The following PDE5A variants were observed in gnomAD, a reference collection of about 807,000 sequenced individuals.
The protein encoded by PDE5A is cGMP-specific 3',5'-cyclic phosphodiesterase.
In PDE5A, 67 loss-of-function variants were observed where a neutral mutation model predicts 110.2. The ratio of observed to expected loss-of-function variants is 0.61; its 90% confidence interval spans 0.50 to 0.75. The LOEUF is 0.75. Ranked by LOEUF, PDE5A falls within the 30% of genes least tolerant of loss-of-function variation. The pLI, the probability that PDE5A is intolerant of heterozygous loss-of-function variation, is 0.00. For synonymous variants in PDE5A, 328 were observed against 351.2 expected (o/e 0.93, Z 0.74); for missense variants, 862 against 1,045.1 (o/e 0.82, Z 2.42).
At chr4:119,505,468 A>G (rs1185259048) in intron 17 of PDE5A, among the ~76,000 whole-genome samples, 2 of 151,862 alleles carry the variant, frequency 1.3e-5, no homozygotes, top group Non-Finnish European at 2.9e-5. Flanking sequence ...TCACTGCTCT[A>G]CCTTTTCAGA....
At chr4:119,502,965 CAG>C (rs1329201745) in intron 18 of PDE5A, among the ~76,000 whole-genome samples, 1 of 152,038 alleles carries the variant, frequency 6.6e-6, no homozygotes, top group Non-Finnish European at 1.5e-5. Context: ...GGGTTTGATT[CAG>C]GGGAGAGAAA....
At chr4:119,579,473 A>T (rs1728507660) in intron 3 of PDE5A, among the ~76,000 whole-genome samples, 1 of 152,150 alleles carries the variant, frequency 6.6e-6, no homozygotes, top group Non-Finnish European at 1.5e-5. Context: ...GATTAAGAAA[A>T]TGTGGCACAT....
intron 18 of PDE5A, among the ~76,000 whole-genome samples, chr4:119,503,558 C>G (rs923123591): frequency 7.9e-5 from 12 of 152,088 alleles, no homozygotes; most frequent in African/African-American, 2.7e-4. Context: ...TTTGCTTCTT[C>G]TAATTTTCAA....
intron 14 of PDE5A, among the ~76,000 whole-genome samples, chr4:119,511,400 A>G (rs28634062): frequency 0.015 from 2,291 of 152,252 alleles, 59 homozygotes; most frequent in African/African-American, 0.052. Flanking sequence ...TTAAAATAGA[A>G]GTAAGGAGTA....
chr4:119,603,341 C>T (rs1489328393), intron 2 of PDE5A, among the ~76,000 whole-genome samples: 1 of 151,890 alleles, frequency 6.6e-6, no homozygotes. Context: ...AGGACTCCAA[C>T]CTGAGCAACA....
intron 11 of PDE5A, chr4:119,527,314 C>T (rs1440365463): frequency 6.6e-6 from 1 of 152,090 alleles, no homozygotes; most frequent in Non-Finnish European, 1.5e-5. Context: ...ACAACTCAAA[C>T]ATTCTGAGCT....
At chr4:119,625,570 G>T (rs1350972035) in intron 1 of PDE5A, among the ~76,000 whole-genome samples, 1 of 152,076 alleles carries the variant, frequency 6.6e-6, no homozygotes, top group African/African-American at 2.4e-5. Context: ...GCAGATGGAC[G>T]ATCTGGGTGA....
chr4:119,542,062 T>G, intron 10 of PDE5A: 1 of 157,924 alleles, frequency 6.3e-6, no homozygotes, highest in South Asian at 2.0e-4. Context: ...TTCTGTTTTT[T>G]GTTTGTTTGT....
At position 119,507,677 on chromosome 4, in the gene PDE5A, T is replaced by C. The variant is rs984174120; in HGVS notation, c.2116A>G (p.Ile706Val). The change falls in exon 16 of 21, where the codon ATT becomes GTT. Residue 706 changes from isoleucine to valine, a missense_variant. Physicochemically the swap from Ile to Val is conservative, Grantham distance 29 (BLOSUM62 3). Transcript: ENST00000354960. ...TTCAACGTGGTCTTATATTCTTCAA[T>C]GGAGAGGCCACTGAGAATCTGATTG... is the stretch of plus-strand genomic sequence containing the variant. The part of the protein sequence containing the change: ...PGNQILSGLS[I>V]EEYKTTLKII... 3.1e-6 allele frequency: 5 copies of C among 1,589,098 alleles called. No homozygotes were observed. Among genetic ancestry groups the C allele is most frequent in the Admixed American group, 1.9e-5 (1 of 53,112 alleles).
intron 12 of PDE5A, among the ~76,000 whole-genome samples, chr4:119,522,400 A>C (rs193257341): frequency 9.7e-4 from 147 of 152,118 alleles, no homozygotes; most frequent in African/African-American, 3.3e-3. Context: ...TTACTGAGAG[A>C]CTTTTAAGTA....
At chr4:119,602,918 G>A (rs547061067) in intron 2 of PDE5A, among the ~76,000 whole-genome samples, 2 of 152,324 alleles carry the variant, frequency 1.3e-5, no homozygotes, top group East Asian at 3.9e-4. Flanking sequence ...TGGAGTGTCT[G>A]TCCTGGAGTA....
rs564368408 is a variant in PDE5A, at chr4:119,550,678, G to A, written c.1396+1872C>T. Among the ~76,000 whole-genome samples, 4 of 152,308 alleles carry A rather than the reference G, an allele frequency of 2.6e-5. No individual in the cohort carries two copies. The South Asian group carries it at 8.3e-4, about 32-fold the overall frequency. On this transcript the variant is annotated intron_variant, in intron 9 of 20. Coordinates refer to ENST00000354960, the MANE Select transcript of PDE5A (RefSeq NM_001083.4). ...AAGATGTGACTTGATGGGGCAAGCT[G>A]CCACTCTGCCTTCCTTCCTATGATA...
chr4:119,541,397 AT>A (rs1204691208), intron 10 of PDE5A, among the ~76,000 whole-genome samples: 15 of 151,848 alleles, frequency 9.9e-5, no homozygotes, highest in African/African-American at 3.6e-4. Flanking sequence ...GTACATGTGT[AT>A]ATGCACCTAA....
At chr4:119,544,667 T>C (rs1727071518) in intron 9 of PDE5A, among the ~76,000 whole-genome samples, 1 of 152,204 alleles carries the variant, frequency 6.6e-6, no homozygotes, top group Admixed American at 6.5e-5. Flanking sequence ...AACAAGATTT[T>C]AAAAATTACT....
At chr4:119,587,437 G>A (rs1378985483) in intron 3 of PDE5A, among the ~76,000 whole-genome samples, 1 of 150,438 alleles carries the variant, frequency 6.6e-6, no homozygotes, top group African/African-American at 2.4e-5. Context: ...ACTGCGGACT[G>A]CAGTGGCACA....
chr4:119,563,007 T>C (rs763142842), intron 5 of PDE5A, 37 bp from the exon 6 acceptor site: 2 of 1,521,528 alleles, frequency 1.3e-6, no homozygotes, highest in South Asian at 2.6e-5. Context: ...ATTTAGCAAT[T>C]GATTGTAATT....
intron 3 of PDE5A, among the ~76,000 whole-genome samples, chr4:119,573,404 G>A (rs926279419): frequency 6.6e-6 from 1 of 152,024 alleles, no homozygotes; most frequent in Non-Finnish European, 1.5e-5. Context: ...TCTCATTGTT[G>A]CTTTAATTTG....
At chr4:119,582,064 C>T (rs774772998) in intron 3 of PDE5A, among the ~76,000 whole-genome samples, 12 of 152,160 alleles carry the variant, frequency 7.9e-5, no homozygotes, top group Non-Finnish European at 1.5e-4. Context: ...GTTGCCACCA[C>T]GGATTGACTC....
At chr4:119,567,620 T>C (rs1454744557) in intron 3 of PDE5A, among the ~76,000 whole-genome samples, 1 of 152,106 alleles carries the variant, frequency 6.6e-6, no homozygotes, top group African/African-American at 2.4e-5. Flanking sequence ...GGAGGATCAT[T>C]AGGGCAAAAA....
Sources: allele counts gnomAD v4.1 joint callset (sites outside exome capture counted in the v4.1 genomes callset), GRCh38; gene constraint gnomAD v4.1.1; transcripts MANE v1.5; gene names NCBI Gene and HGNC (gene_info 2026-07-23, HGNC 2026-07-21).